ROBO2: variants seen among roughly 807,000 people sequenced by gnomAD.
The protein encoded by ROBO2 is roundabout homolog 2.
Under a neutral mutation model 160.8 loss-of-function variants are expected in ROBO2, and 53 were observed. The ratio of observed to expected loss-of-function variants is 0.33; its 90% CI spans 0.26 to 0.41. The LOEUF (loss-of-function observed/expected upper bound fraction) is 0.41. Ranked by LOEUF, ROBO2 falls within the 10% of genes least tolerant of loss-of-function variation. ROBO2 has a pLI of 1.00. For missense variants in ROBO2, 1,577 were observed against 1,722.4 expected (o/e 0.92, Z 1.49); for synonymous variants, 664 against 611.7 (o/e 1.09, Z -1.26).
chr3:76,750,841 A>T (rs1264874256), intron 2 of ROBO2, among the ~76,000 whole-genome samples: 1 of 152,156 alleles, frequency 6.6e-6, no homozygotes, highest in East Asian at 1.9e-4. Flanking sequence ...GGGTAGGAAG[A>T]CTCAATATCG....
intron 1 of ROBO2, among the ~76,000 whole-genome samples, chr3:77,072,700 C>T (rs2067552303): frequency 6.6e-6 from 1 of 152,086 alleles, no homozygotes; most frequent in African/African-American, 2.4e-5. Context: ...GTTTTGTTTG[C>T]AAGTATATAC....
intron 2 of ROBO2, among the ~76,000 whole-genome samples, chr3:76,907,823 G>GGGGTGTGTGTGTGTGTGT (rs112697690): frequency 8.7e-4 from 127 of 145,524 alleles, no homozygotes; most frequent in Non-Finnish European, 1.4e-3. Context: ...GTTTGTTTGG[G>GGGGTGTGTGTGTGTGTGT]GTGTGTGTGT....
intron 2 of ROBO2, among the ~76,000 whole-genome samples, chr3:77,128,548 C>T (rs373042239): frequency 6.6e-6 from 1 of 152,096 alleles, no homozygotes; most frequent in African/African-American, 2.4e-5. Context: ...TTTGTGTGTA[C>T]TGTGTTTTGC....
intron 2 of ROBO2, among the ~76,000 whole-genome samples, chr3:76,598,294 G>C (rs550275675): frequency 6.6e-6 from 1 of 151,648 alleles, no homozygotes; most frequent in African/African-American, 2.4e-5. Flanking sequence ...GAGGAAAGTG[G>C]TTTTTTTTGT....
In ROBO2 at chr3:77,163,670, CCTGA is replaced by C. The variant is rs2078690969; in HGVS notation, c.388+65336_388+65339del. The stretch of plus-strand genomic sequence containing the variant: ...ATGTGTTTGATGTCTGTTTTCTCAA[CCTGA>C]CTGACAATTCTATTTGTTTTGTTCA... On this transcript the variant is annotated intron_variant, in intron 2 of 25. Transcript: ENST00000461745. Among the ~76,000 whole-genome samples, 6 of 152,296 alleles carry C rather than the reference CCTGA, an allele frequency of 3.9e-5. No homozygotes were observed. The South Asian group carries it at 1.2e-3, about 32-fold the overall frequency.
intron 2 of ROBO2, among the ~76,000 whole-genome samples, chr3:77,264,761 ACT>A (rs1029653778): frequency 2.0e-5 from 3 of 151,704 alleles, no homozygotes; most frequent in Non-Finnish European, 2.9e-5. Flanking sequence ...TTCCTTTAAC[ACT>A]CTCTGTTTCT....
intron 2 of ROBO2, among the ~76,000 whole-genome samples, chr3:77,138,575 A>G (rs528381212): frequency 6.2e-4 from 94 of 152,382 alleles, no homozygotes; most frequent in Non-Finnish European, 1.1e-3. Context: ...GAGAGACACT[A>G]ATTGTGAATA....
At chr3:75,960,386 A>G (rs1464978400) in intron 2 of ROBO2, among the ~76,000 whole-genome samples, 5 of 151,964 alleles carry the variant, frequency 3.3e-5, no homozygotes, top group African/African-American at 1.2e-4. Flanking sequence ...GTGAACAATT[A>G]TGAGGAAGCA....
intron 2 of ROBO2, among the ~76,000 whole-genome samples, chr3:76,347,547 C>G (rs2074603263): frequency 6.6e-6 from 1 of 151,928 alleles, no homozygotes; most frequent in African/African-American, 2.4e-5. Context: ...TTTGCCTGTT[C>G]TGGTCAAAGC....
chr3:76,493,923 T>C (rs2079992623), intron 2 of ROBO2, among the ~76,000 whole-genome samples: 1 of 152,192 alleles, frequency 6.6e-6, no homozygotes, highest in African/African-American at 2.4e-5. Flanking sequence ...TCTAAAGAGA[T>C]ACTTAACACA....
At chr3:76,156,233 C>T (rs1018774010) in intron 2 of ROBO2, among the ~76,000 whole-genome samples, 3 of 151,962 alleles carry the variant, frequency 2.0e-5, no homozygotes, top group Non-Finnish European at 4.4e-5. Flanking sequence ...GTAAGAGAAC[C>T]ATACACTGAA....
intron 2 of ROBO2, among the ~76,000 whole-genome samples, chr3:76,200,566 G>A (rs763343245): frequency 3.7e-4 from 57 of 152,228 alleles, no homozygotes; most frequent in Non-Finnish European, 6.3e-4. Context: ...AATACGTCCA[G>A]TATAGGGGGC....
intron 2 of ROBO2, among the ~76,000 whole-genome samples, chr3:77,442,575 A>G (rs891854680): frequency 2.0e-5 from 3 of 152,212 alleles, no homozygotes; most frequent in African/African-American, 7.2e-5. Flanking sequence ...ATACATATCA[A>G]AACAGTCTCC....
chr3:76,993,145 A>G lies in ROBO2; in HGVS notation c.110-104869A>G, dbSNP rs368830100. Among the ~76,000 whole-genome samples, 65 of 152,314 alleles carry G rather than the reference A, an allele frequency of 4.3e-4. 2 individuals are homozygous for G. In the East Asian group the frequency reaches 7.2e-3, roughly 17 times the overall value. Reference sequence around the variant, plus strand: ...AAATCTCGAAAGTTTTTAAGCTAGAAGAAAAAAAGTTTCAAGAAAAATAAA... The same window carrying G: ...AAATCTCGAAAGTTTTTAAGCTAGAGGAAAAAAAGTTTCAAGAAAAATAAA... On this transcript the variant is annotated intron_variant, in intron 2 of 26. Transcript: ENST00000487694.
intron 2 of ROBO2, among the ~76,000 whole-genome samples, chr3:77,215,505 C>T (rs2084807440): frequency 6.6e-6 from 1 of 152,102 alleles, no homozygotes; most frequent in Non-Finnish European, 1.5e-5. Context: ...AGGTTTTTAA[C>T]TTCTTTGCCA....
chr3:76,009,286 G>A (rs964120008), intron 2 of ROBO2, among the ~76,000 whole-genome samples: 1 of 152,084 alleles, frequency 6.6e-6, no homozygotes, highest in African/African-American at 2.4e-5. Flanking sequence ...CGTATTTTTA[G>A]TAGAGACGGG....
intron 1 of ROBO2, 109 bp downstream of exon 1, chr3:77,040,955 G>C (rs1216388622): frequency 1.4e-6 from 2 of 1,471,368 alleles, no homozygotes; most frequent in Non-Finnish European, 1.9e-6. Flanking sequence ...CATTATGTCT[G>C]TTAGTCCGTT....
chr3:77,487,298 A>C (rs2085485289), intron 4 of ROBO2, among the ~76,000 whole-genome samples: 1 of 152,104 alleles, frequency 6.6e-6, no homozygotes, highest in African/African-American at 2.4e-5. Context: ...TAAGTGCTTA[A>C]ATACTAATGG....
chr3:76,839,168 A>G lies in ROBO2; in HGVS notation c.110-258846A>G, dbSNP rs553879410. On this transcript the variant is annotated intron_variant, in intron 2 of 26. Coordinates refer to the ROBO2 transcript ENST00000487694. ...CTTTCTAGAATAGAAAAAGAAAAAA[A>G]CTTCAAAGCAAGAATTCTACAAAAC... Among the ~76,000 whole-genome samples the G allele has an allele frequency of 2.6e-5, 4 of 152,274 alleles. No homozygotes were observed. The South Asian group carries it at 8.3e-4, about 32-fold the overall frequency.
Sources: gnomAD v4.1 joint callset for allele counts (sites outside exome capture counted in the v4.1 genomes callset) on GRCh38, gnomAD v4.1.1 for gene constraint, MANE v1.5 for transcripts, NCBI Gene and HGNC (gene_info 2026-07-23, HGNC 2026-07-21) for gene names.